EXOC4: variants seen among roughly 807,000 people sequenced by gnomAD.
EXOC4 encodes exocyst complex component 4.
In EXOC4, 71 loss-of-function variants were observed where a neutral mutation model predicts 107.2. The ratio of observed to expected loss-of-function variants is 0.66; its 90% CI spans 0.55 to 0.81. EXOC4 has a LOEUF of 0.81. Among genes scored for constraint, EXOC4 ranks in the 30% least tolerant of loss-of-function variants. The probability of loss-of-function intolerance (pLI) is 0.00; values close to 1 mark genes in which losing one functional copy is unlikely to be tolerated. For missense variants in EXOC4, 1,108 were observed against 1,189.6 expected, an observed-to-expected ratio of 0.93 and a Z score of 1.01; for synonymous variants, 456 against 441.2, an observed-to-expected ratio of 1.03 and a Z score of -0.42.
chr7:133,947,955 G>A (rs928849920), intron 14 of EXOC4, among the ~76,000 whole-genome samples: 1 of 152,176 alleles, frequency 6.6e-6, no homozygotes, highest in Admixed American at 6.5e-5. Flanking sequence ...GAAGGAGTTA[G>A]AAAGCAAGAG....
intron 11 of EXOC4, among the ~76,000 whole-genome samples, chr7:133,836,954 G>C (rs1797930576): frequency 6.6e-6 from 1 of 152,144 alleles, no homozygotes; most frequent in Non-Finnish European, 1.5e-5. Context: ...GGCATCTGCA[G>C]GTTGTAAAAT....
chr7:133,997,262 A>G (rs1794416209), intron 14 of EXOC4, among the ~76,000 whole-genome samples: 1 of 152,180 alleles, frequency 6.6e-6, no homozygotes, highest in Non-Finnish European at 1.5e-5. Flanking sequence ...TGAAAGTAAT[A>G]CTTTTGCACC....
intron 9 of EXOC4, among the ~76,000 whole-genome samples, chr7:133,528,296 T>A (rs1800117752): frequency 6.6e-6 from 1 of 152,120 alleles, no homozygotes; most frequent in Admixed American, 6.6e-5. Context: ...TCCTCTAGAT[T>A]CGAGAGAAAT....
chr7:133,334,155 G>A (rs764379570), intron 5 of EXOC4, among the ~76,000 whole-genome samples: 7 of 152,148 alleles, frequency 4.6e-5, no homozygotes, highest in South Asian at 4.2e-4. Context: ...GGGGTACATC[G>A]GAAGCATTAT....
At chr7:133,942,970 C>T (rs1239775563) in intron 14 of EXOC4, among the ~76,000 whole-genome samples, 6 of 151,978 alleles carry the variant, frequency 3.9e-5, no homozygotes, top group Non-Finnish European at 5.9e-5. Context: ...GTTATCATGC[C>T]GTGTAATATA....
intron 14 of EXOC4, among the ~76,000 whole-genome samples, chr7:133,972,921 C>T (rs1801275440): frequency 6.6e-6 from 1 of 152,208 alleles, no homozygotes; most frequent in Admixed American, 6.5e-5. Context: ...CAGACAGATA[C>T]ATAGTCAATC....
chr7:133,438,133 AAG>A (rs1798018217), intron 7 of EXOC4, among the ~76,000 whole-genome samples: 2 of 152,102 alleles, frequency 1.3e-5, no homozygotes, highest in African/African-American at 4.8e-5. Flanking sequence ...TAGATCTTTG[AAG>A]AGTCATTTGT....
intron 10 of EXOC4, among the ~76,000 whole-genome samples, chr7:133,758,300 G>A (rs1166923038): frequency 1.3e-5 from 2 of 151,954 alleles, no homozygotes; most frequent in Non-Finnish European, 1.5e-5. Flanking sequence ...CACCATGCCC[G>A]GCTAATTTTT....
intron 10 of EXOC4, among the ~76,000 whole-genome samples, chr7:133,665,742 T>C (rs1333028209): frequency 6.6e-6 from 1 of 152,176 alleles, no homozygotes; most frequent in African/African-American, 2.4e-5. Context: ...TTTGTGACAA[T>C]ATAAAACCCT....
At chr7:134,067,632 T>TACACACACACACACACACACAC (rs1177750777), downstream of EXOC4, among the ~76,000 whole-genome samples, 1 of 98,516 alleles carries the variant, frequency 1.0e-5, no homozygotes, top group African/African-American at 4.0e-5. Flanking sequence ...CTCTTATATA[T>TACACACACACACACACACACAC]ATATATACAC....
chr7:133,880,904 G>A (rs991964706), intron 11 of EXOC4, among the ~76,000 whole-genome samples: 1 of 152,016 alleles, frequency 6.6e-6, no homozygotes, highest in Non-Finnish European at 1.5e-5. Flanking sequence ...AATTCTAAAG[G>A]CATATAGTTT....
chr7:133,388,793 T>C (rs1437212146), intron 7 of EXOC4, among the ~76,000 whole-genome samples: 2 of 152,238 alleles, frequency 1.3e-5, no homozygotes, highest in African/African-American at 2.4e-5. Flanking sequence ...ATATTGCAAT[T>C]TGATTAATAC....
rs570132754 is a variant in EXOC4, at chr7:133,479,796, G to A, written c.1329-254G>A. On this transcript the variant is annotated intron_variant, in intron 8 of 17. Coordinates refer to ENST00000253861, the MANE Select transcript of EXOC4 (RefSeq NM_021807.4). Reference sequence around the variant, plus strand: ...CAAAAGGAAGTTGGGACAGATCACAGTTGTACCAGTTGAAATGCAGAATAA... The same window carrying A: ...CAAAAGGAAGTTGGGACAGATCACAATTGTACCAGTTGAAATGCAGAATAA... 9.0e-5 allele frequency: 43 copies of A among 476,268 alleles called. No individual in the cohort carries two copies. In the East Asian group the frequency reaches 1.3e-3, roughly 15 times the overall value. The allele number at this position is 476,268 out of a possible 1,614,324, so 29.5% of individuals were successfully genotyped here. A position where few individuals can be genotyped will look rare whatever the true frequency, so the allele number is the denominator to read the frequency against.
chr7:134,004,639 C>T (rs757324663), intron 15 of EXOC4, among the ~76,000 whole-genome samples: 1 of 152,130 alleles, frequency 6.6e-6, no homozygotes, highest in Non-Finnish European at 1.5e-5. Context: ...TGCCCCAGAT[C>T]ACTCAGTTGT....
intron 7 of EXOC4, among the ~76,000 whole-genome samples, chr7:133,404,869 G>GC (rs1260429484): frequency 1.4e-4 from 9 of 64,400 alleles, no homozygotes; most frequent in Admixed American, 2.2e-4. Context: ...TCCACCCCCT[G>GC]CGCCCCCCCC....
chr7:134,084,709 T>TAAAAAAAAAAAAA, the EXOC4 span, among the ~76,000 whole-genome samples: 74 of 83,160 alleles, frequency 8.9e-4, no homozygotes, highest in African/African-American at 3.6e-3. Context: ...GGTGCAGCCG[T>TAAAAAAAAAAAAA]AAAAAAAAAA....
At chr7:134,087,221 C>T in the EXOC4 span, among the ~76,000 whole-genome samples, 2 of 152,094 alleles carry the variant, frequency 1.3e-5, no homozygotes, top group African/African-American at 4.8e-5. Context: ...AAAAGACAAC[C>T]CTAACTTCAA....
intron 7 of EXOC4, among the ~76,000 whole-genome samples, chr7:133,423,953 C>T (rs1246975488): frequency 4.6e-5 from 7 of 152,186 alleles, no homozygotes; most frequent in Non-Finnish European, 4.4e-5. Flanking sequence ...GAGGTGAAGC[C>T]GGCTGGGCTT....
chr7:133,806,437 T>C (rs866556480), intron 10 of EXOC4, among the ~76,000 whole-genome samples: 2 of 152,204 alleles, frequency 1.3e-5, no homozygotes, highest in African/African-American at 4.8e-5. Flanking sequence ...GAAATGCAGG[T>C]CAGGAGCAAG....
Sources: gnomAD v4.1 joint callset for allele counts (sites outside exome capture counted in the v4.1 genomes callset) on GRCh38, gnomAD v4.1.1 for gene constraint, MANE v1.5 for transcripts, NCBI Gene and HGNC (gene_info 2026-07-23, HGNC 2026-07-21) for gene names.